The following ACYP2 variants were observed in gnomAD, a reference collection of about 807,000 sequenced individuals.
The protein encoded by ACYP2 is acylphosphatase-2.
In ACYP2, 12 loss-of-function variants were observed where a neutral mutation model predicts 11.2. The observed-to-expected ratio is 1.08, with a 90% CI of 0.69 to 1.74. The LOEUF (loss-of-function observed/expected upper bound fraction) is 1.74, where lower values mean the gene tolerates loss of function less well. ACYP2 is among the 40% of genes most tolerant of loss of function. The pLI is 0.00. For missense variants in ACYP2, 134 were observed against 101.9 expected, an observed-to-expected ratio of 1.31 and a Z score of -1.35; for synonymous variants, 43 against 32.2, an observed-to-expected ratio of 1.33 and a Z score of -1.13.
intron 4 of ACYP2, among the ~76,000 whole-genome samples, chr2:54,104,404 T>C (rs1477561322): frequency 1.3e-5 from 2 of 152,234 alleles, no homozygotes; most frequent in African/African-American, 2.4e-5. Flanking sequence ...TATTTTAAAA[T>C]TGGTGTGTAG....
At chr2:54,108,905 T>G (rs886790533) in intron 4 of ACYP2, among the ~76,000 whole-genome samples, 2 of 152,234 alleles carry the variant, frequency 1.3e-5, no homozygotes, top group Non-Finnish European at 2.9e-5. Context: ...AGATATATTC[T>G]TTTGCATTTT....
intron 6 of ACYP2, among the ~76,000 whole-genome samples, chr2:54,251,533 C>T (rs947599243): frequency 9.9e-5 from 15 of 152,258 alleles, no homozygotes; most frequent in Middle Eastern, 3.4e-3. Flanking sequence ...ACATCACCAG[C>T]GCTTCAGAAT....
At chr2:54,290,240 G>A (rs770525297) in intron 6 of ACYP2, among the ~76,000 whole-genome samples, 191 of 152,178 alleles carry the variant, frequency 1.3e-3, no homozygotes, top group Non-Finnish European at 2.0e-3. Flanking sequence ...TGCCTGGCTT[G>A]GTCCCGGAGT....
intron 6 of ACYP2, among the ~76,000 whole-genome samples, chr2:54,178,025 C>T (rs1304281097): frequency 6.6e-6 from 1 of 151,618 alleles, no homozygotes; most frequent in Admixed American, 6.6e-5. Context: ...CTGCCTTAGC[C>T]TCCAGAGTAG....
At chr2:53,981,010 A>T (rs984611067) in intron 2 of ACYP2, among the ~76,000 whole-genome samples, 3 of 152,146 alleles carry the variant, frequency 2.0e-5, no homozygotes, top group African/African-American at 7.2e-5. Flanking sequence ...CCTCCACCTC[A>T]TAAAATGCTT....
chr2:54,230,959 T>A (rs1355181049), intron 6 of ACYP2, among the ~76,000 whole-genome samples: 1 of 150,956 alleles, frequency 6.6e-6, no homozygotes, highest in Non-Finnish European at 1.5e-5. Flanking sequence ...GCCTCCCGAG[T>A]AGCTGGGATT....
chr2:54,061,415 G>A (rs1676464001), intron 4 of ACYP2, among the ~76,000 whole-genome samples: 1 of 152,184 alleles, frequency 6.6e-6, no homozygotes, highest in African/African-American at 2.4e-5. Context: ...AGGTGGACAC[G>A]TGCTCTAATC....
chr2:54,251,434 C>T (rs1572993549), intron 6 of ACYP2, among the ~76,000 whole-genome samples: 1 of 151,978 alleles, frequency 6.6e-6, no homozygotes, highest in African/African-American at 2.4e-5. Flanking sequence ...AATATACATA[C>T]AGAGAAGTAT....
chr2:54,038,664 T>C (rs942374691), intron 2 of ACYP2, among the ~76,000 whole-genome samples: 2 of 123,554 alleles, frequency 1.6e-5, no homozygotes, highest in Admixed American at 1.7e-4. Flanking sequence ...AATAAATCTT[T>C]ATTGAATACT....
intron 2 of ACYP2, among the ~76,000 whole-genome samples, chr2:53,999,236 T>G (rs1462740073): frequency 2.0e-5 from 3 of 152,090 alleles, no homozygotes; most frequent in Non-Finnish European, 4.4e-5. Flanking sequence ...ACCTAAAACC[T>G]GCAAACAACA....
intron 6 of ACYP2, among the ~76,000 whole-genome samples, chr2:54,211,131 C>T (rs957753623): frequency 3.9e-5 from 6 of 152,102 alleles, no homozygotes; most frequent in Admixed American, 6.5e-5. Context: ...ATCTGAAAGA[C>T]GCAGACTATC....
At chr2:54,156,584 G>C (rs373076579) in intron 6 of ACYP2, among the ~76,000 whole-genome samples, 4 of 152,146 alleles carry the variant, frequency 2.6e-5, no homozygotes, top group Non-Finnish European at 5.9e-5. Flanking sequence ...CCCTGCAAAG[G>C]ACATGAGTTC....
intron 6 of ACYP2, chr2:54,255,980 C>G: frequency 6.2e-7 from 1 of 1,614,170 alleles, no homozygotes; most frequent in South Asian, 1.1e-5. Context: ...GGCGCGACCC[C>G]CTCCTCTGGA....
chr2:54,222,283 C>G (rs755842333), intron 6 of ACYP2, among the ~76,000 whole-genome samples: 1 of 152,110 alleles, frequency 6.6e-6, no homozygotes, highest in Non-Finnish European at 1.5e-5. Context: ...GGCGTGGTGG[C>G]TCATGCCTGT....
intron 6 of ACYP2, among the ~76,000 whole-genome samples, chr2:54,184,681 T>C (rs1016564459): frequency 6.6e-6 from 1 of 152,124 alleles, no homozygotes; most frequent in African/African-American, 2.4e-5. Flanking sequence ...GGTAAATAGA[T>C]TATGTGCAGA....
intron 6 of ACYP2, among the ~76,000 whole-genome samples, chr2:54,151,679 A>G (rs1682176051): frequency 6.6e-6 from 1 of 152,210 alleles, no homozygotes; most frequent in African/African-American, 2.4e-5. Context: ...CAGGCTTTAG[A>G]CCTCAAATAC....
intron 6 of ACYP2, chr2:54,267,433 AG>A: frequency 7.2e-7 from 1 of 1,389,858 alleles, no homozygotes; most frequent in Non-Finnish European, 9.7e-7. Flanking sequence ...GAACAGAAGG[AG>A]GGAGAAGGAA....
At chr2:54,266,590 C>CTTTTTTTTTTTTTTTTTTTTTTTTT (rs138812389) in intron 6 of ACYP2, among the ~76,000 whole-genome samples, 2 of 52,242 alleles carry the variant, frequency 3.8e-5, no homozygotes, top group African/African-American at 7.6e-5. Context: ...ATCTATCTAT[C>CTTTTTTTTTTTTTTTTTTTTTTTTT]TTTTTTTTTT....
intron 2 of ACYP2, among the ~76,000 whole-genome samples, chr2:53,996,948 A>G (rs1350988856): frequency 2.0e-5 from 3 of 152,222 alleles, no homozygotes; most frequent in African/African-American, 4.8e-5. Context: ...TACAAAATAA[A>G]GCCCAGACTA....
Sources: gnomAD v4.1 joint callset for allele counts (sites outside exome capture counted in the v4.1 genomes callset) on GRCh38, gnomAD v4.1.1 for gene constraint, MANE v1.5 for transcripts, NCBI Gene and HGNC (gene_info 2026-07-23, HGNC 2026-07-21) for gene names.